PCDHGA3: variants seen among roughly 807,000 people sequenced by gnomAD.
PCDHGA3 encodes protocadherin gamma-A3.
Under a neutral mutation model 58.5 loss-of-function variants are expected in PCDHGA3, and 40 were observed. The ratio of observed to expected loss-of-function variants is 0.68; its 90% CI spans 0.53 to 0.89. PCDHGA3 has a LOEUF of 0.89. PCDHGA3 is among the 40% of genes least tolerant of loss of function. The pLI is 0.00. For missense variants in PCDHGA3, 1,223 were observed against 1,195.9 expected (o/e 1.02, Z -0.33); for synonymous variants, 530 against 525.7 (o/e 1.01, Z -0.11).
intron 2 of PCDHGA3, among the ~76,000 whole-genome samples, chr5:141,498,839 A>C (rs2099786236): frequency 6.6e-6 from 1 of 152,062 alleles, no homozygotes; most frequent in Non-Finnish European, 1.5e-5. Context: ...AGGCTGAGGC[A>C]GGGGAATCGC....
intron 1 of PCDHGA3, among the ~76,000 whole-genome samples, chr5:141,439,208 C>A: frequency 6.6e-6 from 1 of 151,294 alleles, no homozygotes. Flanking sequence ...AAAAAAAATC[C>A]ATATGTGAAA....
chr5:141,372,365 C>T lies in PCDHGA3; in HGVS notation c.2424+25908C>T, dbSNP rs777698721. On this transcript the variant is annotated intron_variant, in intron 1 of 3. Coordinates refer to ENST00000253812, the MANE Select transcript of PCDHGA3 (RefSeq NM_018916.4). ...GAGGACAGCAGCCTCTTTCAGCCACCGTCATGCTGCACCTAATCTTCGCAG... is the reference window on the plus strand; with the variant it reads ...GAGGACAGCAGCCTCTTTCAGCCACTGTCATGCTGCACCTAATCTTCGCAG... 5.0e-6 allele frequency: 8 copies of T among 1,613,848 alleles called. No individual in the cohort carries two copies. The African/African-American group carries it at 6.7e-5, about 13-fold the overall frequency.
At chr5:141,350,327 T>C (rs1172233869) in intron 1 of PCDHGA3, 1 of 1,534,712 alleles carries the variant, frequency 6.5e-7, no homozygotes, top group Non-Finnish European at 8.7e-7. Flanking sequence ...GCTGTCTTTG[T>C]TCTGCGGGGC....
Position 141,491,755 on chromosome 5 carries a change from G to T in PCDHGA3, c.2425-3052G>T, listed in dbSNP as rs1402188587. 3 of 1,582,078 alleles carry T rather than the reference G, an allele frequency of 1.9e-6. No individual in the cohort carries two copies. Among genetic ancestry groups the T allele is most frequent in the Non-Finnish European group, 2.6e-6 (3 of 1,165,458 alleles). On this transcript the variant is annotated intron_variant, in intron 1 of 3. Coordinates refer to ENST00000253812, the MANE Select transcript of PCDHGA3 (RefSeq NM_018916.4). This position sits in a 1 kb window ranked among gnomAD's most constrained non-coding sequence, Gnocchi z 6.9. ...CCCTGGGGGCGGCACTGGAGAAGCC[G>T]CCCGTCCTCATAAGGGATTGAACTT...
chr5:141,407,027 CT>C (rs1297630291), intron 1 of PCDHGA3, among the ~76,000 whole-genome samples: 1 of 152,128 alleles, frequency 6.6e-6, no homozygotes, highest in Non-Finnish European at 1.5e-5. Context: ...AAATTCTATG[CT>C]AAACATGTGA....
At position 141,423,563 on chromosome 5, in the gene PCDHGA3, C is replaced by T. The variant is rs745802952; in HGVS notation, c.2425-71244C>T. 9.9e-6 allele frequency: 16 copies of T among 1,613,436 alleles called. No homozygotes were observed. In the Admixed American group the frequency reaches 2.3e-4, roughly 24 times the overall value. ...TTCCCCCAGCCCAACTATGGGGACA[C>T]GCTCATCAGCCAGGAGAGCTGTGAG... On this transcript the variant is annotated intron_variant, in intron 1 of 3. Coordinates refer to ENST00000253812, the MANE Select transcript of PCDHGA3 (RefSeq NM_018916.4).
intron 1 of PCDHGA3, among the ~76,000 whole-genome samples, chr5:141,363,451 T>C (rs545023323): frequency 6.6e-6 from 1 of 152,378 alleles, no homozygotes; most frequent in Non-Finnish European, 1.5e-5. Context: ...TCAGTACTTC[T>C]CGACAAGTAT....
rs1023816949 is a variant in PCDHGA3, at chr5:141,362,715, T to C, written c.2424+16258T>C. On this transcript the variant is annotated intron_variant, in intron 1 of 3. Transcript: ENST00000253812. ...CTAACTGAATTTTAAGTGTTTTCTC[T>C]CTGAAGTGTGAGATTTATTTACCCA... The C allele has an allele frequency of 8.8e-5, 80 of 911,620 alleles. No individual in the cohort carries two copies. In the East Asian group the frequency reaches 2.0e-3, roughly 23 times the overall value. The allele number at this position is 911,620 out of a possible 1,614,324, so 56.5% of individuals were successfully genotyped here.
intron 1 of PCDHGA3, chr5:141,350,330 T>C: frequency 3.3e-6 from 5 of 1,537,282 alleles, no homozygotes; most frequent in Non-Finnish European, 4.4e-6. Context: ...GTCTTTGTTC[T>C]GCGGGGCCAT....
Position 141,476,935 on chromosome 5 carries a change from A to G in PCDHGA3, c.2425-17872A>G. The G allele has an allele frequency of 6.2e-7, 1 of 1,614,166 alleles. No homozygotes were observed. Among genetic ancestry groups the G allele is most frequent in the Non-Finnish European group, 8.5e-7 (1 of 1,180,046 alleles). Reference sequence around the variant, plus strand: ...AAGTCCTTGCAACGGATCTGGATGAAGGCCCCAACGGTGAAATTATTTACT... The same window carrying G: ...AAGTCCTTGCAACGGATCTGGATGAGGGCCCCAACGGTGAAATTATTTACT... On this transcript the variant is annotated intron_variant, in intron 1 of 3. Transcript: ENST00000253812. This position sits in a 1 kb window ranked among gnomAD's most constrained non-coding sequence, Gnocchi z 7.6.
At chr5:141,461,251 A>G (rs925406409) in intron 1 of PCDHGA3, among the ~76,000 whole-genome samples, 1 of 152,156 alleles carries the variant, frequency 6.6e-6, no homozygotes, top group Non-Finnish European at 1.5e-5. Flanking sequence ...TTATATTCCC[A>G]GCAGCAATGT....
intron 1 of PCDHGA3, among the ~76,000 whole-genome samples, chr5:141,488,238 C>G (rs374846692): frequency 6.6e-6 from 1 of 152,154 alleles, no homozygotes; most frequent in African/African-American, 2.4e-5. Context: ...GAACTAGATG[C>G]GGTAAATTGG....
rs73792170 is a variant in PCDHGA3, at chr5:141,365,536, T to C, written c.2424+19079T>C. The C allele has an allele frequency of 3.4e-3, 5,425 of 1,613,776 alleles. 115 individuals are homozygous for C. In the African/African-American group the frequency reaches 0.05, roughly 15 times the overall value. On this transcript the variant is annotated intron_variant, in intron 1 of 3. Transcript: ENST00000253812. ...TGGAGAAGTCAGTTGATAATTACTATCACCTATTAACAACTAGGGACCTGG... is the reference window on the plus strand; with the variant it reads ...TGGAGAAGTCAGTTGATAATTACTACCACCTATTAACAACTAGGGACCTGG...
intron 1 of PCDHGA3, chr5:141,399,919 G>A: frequency 6.2e-7 from 1 of 1,612,300 alleles, no homozygotes; most frequent in Non-Finnish European, 8.5e-7. Flanking sequence ...AGGACACAAC[G>A]CCTGGCTGTC....
rs1485764871 is a variant in PCDHGA3, at chr5:141,486,709, C to A, written c.2425-8098C>A. On this transcript the variant is annotated intron_variant, in intron 1 of 3. Coordinates refer to ENST00000253812, the MANE Select transcript of PCDHGA3 (RefSeq NM_018916.4). The surrounding 1 kb of genome is among the most constrained non-coding windows in gnomAD (Gnocchi z 5.0). ...CTTCCTCTTTCATCTCTCTGAACCC[C>A]CAGACAGGAGCTGTTCATGCTACTC... 6.2e-7 allele frequency: 1 copy of A among 1,614,182 alleles called. No homozygotes were observed. Among genetic ancestry groups the A allele is most frequent in the Admixed American group, 1.7e-5 (1 of 60,022 alleles).
At position 141,471,056 on chromosome 5, in the gene PCDHGA3, T is replaced by C. The variant is rs1367189715; in HGVS notation, c.2425-23751T>C. On this transcript the variant is annotated intron_variant, in intron 1 of 3. Coordinates refer to ENST00000253812, the MANE Select transcript of PCDHGA3 (RefSeq NM_018916.4). ...ACAAGCCCAAGCCCTCTTTTTTTTT[T>C]TTTTTTTTTTGAGACAGGGTCTCCC... Among the ~76,000 whole-genome samples, 581 of 150,056 alleles carry C rather than the reference T, an allele frequency of 3.9e-3. 6 individuals are homozygous for C. Among genetic ancestry groups the C allele is most frequent in the Admixed American group, 0.011 (167 of 15,092 alleles).
chr5:141,448,903 C>A (rs1460471063), intron 1 of PCDHGA3, among the ~76,000 whole-genome samples: 2 of 152,112 alleles, frequency 1.3e-5, no homozygotes, highest in Non-Finnish European at 2.9e-5. Context: ...CGAGATCGTG[C>A]CACTGCACTC....
intron 1 of PCDHGA3, chr5:141,350,868 G>C: frequency 6.2e-7 from 1 of 1,614,062 alleles, no homozygotes; most frequent in Non-Finnish European, 8.5e-7. Flanking sequence ...GAACATCAGA[G>C]CTCTCATCGC....
chr5:141,423,101 G>A (rs757127033), intron 1 of PCDHGA3: 3 of 1,613,966 alleles, frequency 1.9e-6, no homozygotes, highest in South Asian at 1.1e-5. Context: ...GAGCACACGG[G>A]CGAGGTGCGT....
Sources: gnomAD v4.1 joint callset for allele counts (sites outside exome capture counted in the v4.1 genomes callset) on GRCh38, gnomAD v4.1.1 for gene constraint, Gnocchi (gnomAD v3.1) non-coding constraint, MANE v1.5 for transcripts, NCBI Gene and HGNC (gene_info 2026-07-23, HGNC 2026-07-21) for gene names.